The following PCSK5 variants were observed in gnomAD, a reference collection of about 807,000 sequenced individuals.
The protein encoded by PCSK5 is proprotein convertase subtilisin/kexin type 5.
A neutral mutation model predicts 233.2 loss-of-function variants in PCSK5; 129 were observed. The observed-to-expected ratio is 0.55, with a 90% confidence interval of 0.48 to 0.64. PCSK5 has a LOEUF of 0.64. Ranked by LOEUF, PCSK5 falls within the 30% of genes least tolerant of loss-of-function variation. PCSK5 has a pLI of 0.00. For synonymous variants in PCSK5, 825 were observed against 879.2 expected (o/e 0.94, Z 1.09); for missense variants, 2,076 against 2,430.1 (o/e 0.85, Z 3.06).
chr9:76,046,536 G>A (rs7857625), intron 5 of PCSK5, among the ~76,000 whole-genome samples: 11,145 of 118,798 alleles, frequency 0.094, 1,405 homozygotes, highest in African/African-American at 0.3. Context: ...TACAACTCTA[G>A]TTCTTTTTTT....
chr9:76,216,622 G>T (rs751477652), intron 20 of PCSK5, among the ~76,000 whole-genome samples: 16 of 152,122 alleles, frequency 1.1e-4, no homozygotes, highest in Non-Finnish European at 1.9e-4. Flanking sequence ...TTTTTAGGAA[G>T]TGAATTGTTC....
chr9:76,335,376 G>C (rs994717461), intron 34 of PCSK5, among the ~76,000 whole-genome samples: 1 of 152,196 alleles, frequency 6.6e-6, no homozygotes, highest in Non-Finnish European at 1.5e-5. Flanking sequence ...TGAGGTATAT[G>C]AGAACTCTTC....
At chr9:76,224,227 G>A (rs904065059) in intron 20 of PCSK5, among the ~76,000 whole-genome samples, 6 of 152,212 alleles carry the variant, frequency 3.9e-5, no homozygotes, top group Admixed American at 1.3e-4. Context: ...AACTTTTGTA[G>A]ATCAGACAAG....
At chr9:76,263,740 G>T (rs1273748620) in intron 24 of PCSK5, among the ~76,000 whole-genome samples, 1 of 151,394 alleles carries the variant, frequency 6.6e-6, no homozygotes, top group Non-Finnish European at 1.5e-5. Flanking sequence ...TAACTAACCT[G>T]CACATTGTGC....
intron 20 of PCSK5, 148 bp from the exon 21 acceptor site, chr9:76,227,355 C>A: frequency 1.6e-6 from 1 of 620,004 alleles, no homozygotes; most frequent in Non-Finnish European, 2.9e-6. Context: ...GGATTTGGGA[C>A]TAGCAGCTGA....
chr9:76,308,766 G>A (rs1406067312), intron 29 of PCSK5, 38 bp downstream of exon 29: 21 of 1,375,172 alleles, frequency 1.5e-5, no homozygotes, highest in Non-Finnish European at 2.2e-5. Flanking sequence ...CAGCAGTCAA[G>A]CCAAGTCATT....
intron 20 of PCSK5, chr9:76,205,071 T>C (rs964139380): frequency 7.7e-6 from 4 of 517,086 alleles, no homozygotes; most frequent in Non-Finnish European, 1.5e-5. Context: ...TGAAAAATTG[T>C]CTTTCCACAC....
At chr9:75,902,213 C>CT (rs201955395) in intron 1 of PCSK5, among the ~76,000 whole-genome samples, 10,260 of 38,008 alleles carry the variant, frequency 0.27, 951 homozygotes, top group Middle Eastern at 0.36. Flanking sequence ...GAGACACCAT[C>CT]TAAAAAAAAA....
chr9:76,159,302 C>G lies in PCSK5; in HGVS notation c.1619+131C>G. ...AGAGGGGGTGCTTAGATGTCAGGAT[C>G]TCACTGCTCATAAGTAGAGAGTGTG... On this transcript the variant is annotated intron_variant, in intron 12 of 37. Transcript: ENST00000674117. 4.2e-6 allele frequency: 3 copies of G among 722,844 alleles called. No homozygotes were observed. The South Asian group carries it at 5.7e-5, about 14-fold the overall frequency. The allele number at this position is 722,844 out of a possible 1,614,324, so 44.8% of individuals were successfully genotyped here.
chr9:76,055,943 C>T (rs1034999665), intron 5 of PCSK5, among the ~76,000 whole-genome samples: 2 of 152,118 alleles, frequency 1.3e-5, no homozygotes, highest in Non-Finnish European at 2.9e-5. Context: ...CAATTAGAAA[C>T]ATCAATTTTG....
chr9:76,042,132 G>A (rs766869878), intron 5 of PCSK5, among the ~76,000 whole-genome samples: 10 of 152,154 alleles, frequency 6.6e-5, no homozygotes, highest in Admixed American at 1.3e-4. Flanking sequence ...CTGCCCTGTG[G>A]CAAGATCATT....
intron 2 of PCSK5, among the ~76,000 whole-genome samples, chr9:75,933,682 A>G (rs1823915857): frequency 6.6e-6 from 1 of 151,764 alleles, no homozygotes; most frequent in Non-Finnish European, 1.5e-5. Flanking sequence ...CTATGTCCCT[A>G]TTTTCTGTGG....
At chr9:76,156,488 G>A (rs998777228) in intron 10 of PCSK5, among the ~76,000 whole-genome samples, 3 of 152,128 alleles carry the variant, frequency 2.0e-5, no homozygotes, top group African/African-American at 4.8e-5. Context: ...ATGTCAGAAC[G>A]TTAGCATCTC....
intron 2 of PCSK5, among the ~76,000 whole-genome samples, chr9:75,965,146 A>C (rs1006726548): frequency 6.6e-6 from 1 of 152,200 alleles, no homozygotes; most frequent in African/African-American, 2.4e-5. Context: ...AGAGGCAGCC[A>C]AGTGAAGCAA....
intron 7 of PCSK5, among the ~76,000 whole-genome samples, chr9:76,075,367 G>T (rs750733767): frequency 4.6e-5 from 7 of 152,070 alleles, no homozygotes; most frequent in Non-Finnish European, 7.4e-5. Flanking sequence ...ATTTCAGTGA[G>T]ATAGCCTCTG....
At chr9:76,232,211 G>T (rs34224547) in intron 21 of PCSK5, among the ~76,000 whole-genome samples, 1 of 152,094 alleles carries the variant, frequency 6.6e-6, no homozygotes, top group Non-Finnish European at 1.5e-5. Context: ...CTGATCTTTC[G>T]TGTGGTGTCC....
chr9:76,214,379 G>T (rs934529065), intron 20 of PCSK5, among the ~76,000 whole-genome samples: 1 of 152,020 alleles, frequency 6.6e-6, no homozygotes, highest in Admixed American at 6.6e-5. Context: ...ATATTGGAAG[G>T]GGGGTGCCAT....
At chr9:75,942,461 A>T (rs907704767) in intron 2 of PCSK5, among the ~76,000 whole-genome samples, 1 of 152,198 alleles carries the variant, frequency 6.6e-6, no homozygotes, top group African/African-American at 2.4e-5. Context: ...TCTGTCAGTT[A>T]TGTACCACGG....
In PCSK5 at chr9:76,358,785, G is replaced by A. The variant is rs1203868926; in HGVS notation, c.5527G>A (p.Asp1843Asn). Reference sequence around the variant, plus strand: ...GATTGAGTACAGGGATCGGGACTATGATGAGGATGATGATGATGACATCGT... The same window carrying A: ...GATTGAGTACAGGGATCGGGACTATAATGAGGATGATGATGATGACATCGT... Reference protein sequence around the residue: ...QVIEYRDRDYDEDDDDDIVYM... With the variant: ...QVIEYRDRDYNEDDDDDIVYM... Residue 1843 changes from aspartate (D) to asparagine (N), a missense_variant, in exon 38 of 38, where the codon GAT becomes AAT. Coordinates refer to ENST00000674117, the MANE Select transcript of PCSK5 (RefSeq NM_001372043.1). 1 of 1,612,964 alleles carries A rather than the reference G, an allele frequency of 6.2e-7. No individual in the cohort carries two copies. The highest frequency in any genetic ancestry group is 8.5e-7 in the Non-Finnish European group (1 of 1,179,902).
Sources: allele counts gnomAD v4.1 joint callset (sites outside exome capture counted in the v4.1 genomes callset), GRCh38; gene constraint gnomAD v4.1.1; transcripts MANE v1.5; gene names NCBI Gene and HGNC (gene_info 2026-07-23, HGNC 2026-07-21).